Variants in RSAD1 observed in about 807,000 individuals in gnomAD.
The protein encoded by RSAD1 is radical S-adenosyl methionine domain containing 1.
Under a neutral mutation model 46.2 loss-of-function variants are expected in RSAD1, and 34 were observed. The ratio of observed to expected loss-of-function variants is 0.74; its 90% confidence interval spans 0.56 to 0.98. The LOEUF is 0.98. RSAD1 is among the 50% of genes least tolerant of loss of function. RSAD1 has a pLI of 0.00. For missense variants in RSAD1, 635 were observed against 592.3 expected (o/e 1.07, Z -0.75); for synonymous variants, 260 against 253.5 (o/e 1.03, Z -0.24).
chr17:50,485,110 C>T lies in RSAD1; in HGVS notation c.*249C>T, dbSNP rs1164578300. On this transcript the variant is annotated 3_prime_UTR_variant, in exon 9 of 9. Transcript: ENST00000258955. ...TGTTCCATGGCTGGGAATTGCCTACCACCCACATCAGCTTCTGTTTACCTT... is the reference window on the plus strand; with the variant it reads ...TGTTCCATGGCTGGGAATTGCCTACTACCCACATCAGCTTCTGTTTACCTT... The T allele has an allele frequency of 3.9e-6, 2 of 507,394 alleles. No homozygotes were observed. Among genetic ancestry groups the T allele is most frequent in the East Asian group, 3.0e-5 (1 of 33,442 alleles). The allele number at this position is 507,394 out of a possible 1,614,324, so 31.4% of individuals were successfully genotyped here. A position where few individuals can be genotyped will look rare whatever the true frequency, so the allele number is the denominator to read the frequency against.
In RSAD1 at chr17:50,482,500, T is replaced by C. The variant is rs764291043; in HGVS notation, c.840+44T>C. 2.5e-6 allele frequency: 4 copies of C among 1,605,752 alleles called. No homozygotes were observed. In the East Asian group the frequency reaches 8.9e-5, roughly 36 times the overall value. On this transcript the variant is annotated intron_variant, in intron 4 of 8. Coordinates refer to ENST00000258955, the MANE Select transcript of RSAD1 (RefSeq NM_018346.3). ...GGCTGGAGGTGGAGGATGGGCAGACTGCAGTGTGACCAGGGCGTTGTGACC... is the reference window on the plus strand; with the variant it reads ...GGCTGGAGGTGGAGGATGGGCAGACCGCAGTGTGACCAGGGCGTTGTGACC...
At position 50,484,919 on chromosome 17, in the gene RSAD1, A is replaced by G. The variant is rs2033434475; in HGVS notation, c.*58A>G. ...GGTGGGTTTTGAGAGCTGGGTCGGT[A>G]CTGCAGACATCTCTTCTCCGTTGTC... On this transcript the variant is annotated 3_prime_UTR_variant, in exon 9 of 9. Coordinates refer to ENST00000258955, the MANE Select transcript of RSAD1 (RefSeq NM_018346.3). 2 of 1,341,664 alleles carry G rather than the reference A, an allele frequency of 1.5e-6. No individual in the cohort carries two copies. The highest frequency in any genetic ancestry group is 2.4e-5 in the South Asian group (2 of 84,346). 83.1% of individuals were successfully genotyped at this position (1,341,664 alleles called of 1,614,324 possible).
rs2033443389 is a variant in RSAD1 at position 50,485,617 on chromosome 17, C to T, written c.*756C>T. ...TAGCTCTTAGGCTTCCAGCCTCTAC[C>T]ATGCAGGAGAGAACACAGAAGGACT... is the stretch of plus-strand genomic sequence containing the variant. On this transcript the variant is annotated 3_prime_UTR_variant, in exon 9 of 9. Coordinates refer to ENST00000258955, the MANE Select transcript of RSAD1 (RefSeq NM_018346.3). 6.6e-6 allele frequency: 1 copy of T among 152,292 alleles called. No individual in the cohort carries two copies. The highest frequency in any genetic ancestry group is 2.1e-4 in the South Asian group (1 of 4,830). 9.4% of individuals were successfully genotyped at this position (152,292 alleles called of 1,614,324 possible).
intron 1 of RSAD1, 143 bp from the exon 2 acceptor site, chr17:50,479,486 T>G (rs2033351709): frequency 5.3e-6 from 5 of 944,886 alleles, no homozygotes; most frequent in Non-Finnish European, 7.6e-6. Flanking sequence ...CGACCTGCCT[T>G]GGGGAGTTGT....
chr17:50,481,230 A>G (rs1383123380), intron 3 of RSAD1, among the ~76,000 whole-genome samples: 3 of 152,234 alleles, frequency 2.0e-5, no homozygotes, highest in Non-Finnish European at 2.9e-5. Flanking sequence ...AAATTACTAC[A>G]GTAGATGTTA....
chr17:50,483,189 AAAAGAAAG>A lies in RSAD1; in HGVS notation c.905-135_905-128del, dbSNP rs1555615309. The A allele has an allele frequency of 2.3e-4, 62 of 270,616 alleles. No homozygotes were observed. In the African/African-American group the frequency reaches 2.3e-3, roughly 10 times the overall value. 16.8% of individuals were successfully genotyped at this position (270,616 alleles called of 1,614,324 possible). A position where few individuals can be genotyped will look rare whatever the true frequency, so the allele number is the denominator to read the frequency against. ...CACCACCTCAAAAAAAAAAAAAAAAAAAAGAAAGAAAGAAAGAAAGAAAAGAAAAGAAA... is the reference window on the plus strand; with the variant it reads ...CACCACCTCAAAAAAAAAAAAAAAAAAAAGAAAGAAAGAAAAGAAAAGAAA... On this transcript the variant is annotated intron_variant, in intron 5 of 8. Coordinates refer to ENST00000258955, the MANE Select transcript of RSAD1 (RefSeq NM_018346.3).
Position 50,484,533 on chromosome 17 carries a change from A to C in RSAD1, c.1199A>C (p.Gln400Pro). 6.2e-7 allele frequency: 1 copy of C among 1,613,296 alleles called. No individual in the cohort carries two copies. The highest frequency in any genetic ancestry group is 1.1e-5 in the South Asian group (1 of 91,090). The stretch of plus-strand genomic sequence containing the variant: ...GAGCTGCTGGAGCGGGGCCTACTGC[A>C]GCTGGATCACAGGTGTGTTGGGGGG... ...VQELLERGLL[Q>P]LDHRGLRCSW... The change falls in exon 8 of 9, where the codon CAG becomes CCG. Residue 400 changes from glutamine to proline, a missense_variant. Gln to Pro is a moderately conservative substitution (Grantham distance 76). Coordinates refer to ENST00000258955, the MANE Select transcript of RSAD1 (RefSeq NM_018346.3).
chr17:50,479,341 T>G, intron 1 of RSAD1: 4 of 484,886 alleles, frequency 8.2e-6, no homozygotes, highest in Non-Finnish European at 3.6e-6. Context: ...CATAGGAAAA[T>G]TGTATGAAAA....
At position 50,482,118 on chromosome 17, in the gene RSAD1, T is replaced by C. The variant is rs1483078117; in HGVS notation, c.502T>C (p.Leu168=). Residue 168 remains leucine, a synonymous_variant, in exon 4 of 9, where the codon TTG becomes CTG. Coordinates refer to ENST00000258955, the MANE Select transcript of RSAD1 (RefSeq NM_018346.3). Reference sequence around the variant, plus strand: ...CCTAGATGACACTGAGCTCCGGCTGTTGGGACGGACGCACTCGGCCTGCGA... The same window carrying C: ...CCTAGATGACACTGAGCTCCGGCTGCTGGGACGGACGCACTCGGCCTGCGA... ...QSLDDTELRL[L]GRTHSACDAL... is the part of the protein sequence containing the mutation. 3 of 1,583,408 alleles carry C rather than the reference T, an allele frequency of 1.9e-6. No homozygotes were observed. Among genetic ancestry groups the C allele is most frequent in the Non-Finnish European group, 1.7e-6 (2 of 1,161,858 alleles).
chr17:50,480,048 G>T lies in RSAD1; in HGVS notation c.438G>T (p.Gly146=). The change falls in exon 3 of 9, where the codon GGG becomes GGT. Residue 146 remains glycine (G), a synonymous_variant. Coordinates refer to ENST00000258955, the MANE Select transcript of RSAD1 (RefSeq NM_018346.3). ...CGGGCTCCAGACTGGCAGAGTTCGG[G>T]GCAGCAGGGGTTAACAGGTTGTCTA... ...SAPGSRLAEF[G]AAGVNRLSIG... is the part of the protein sequence containing the mutation. 1 of 1,614,078 alleles carries T rather than the reference G, an allele frequency of 6.2e-7. No individual in the cohort carries two copies. Among genetic ancestry groups the T allele is most frequent in the Non-Finnish European group, 8.5e-7 (1 of 1,180,020 alleles).
chr17:50,485,123 T>C lies in RSAD1; in HGVS notation c.*262T>C. ...GGAATTGCCTACCACCCACATCAGC[T>C]TCTGTTTACCTTTTTGGCATCAAAT... On this transcript the variant is annotated 3_prime_UTR_variant, in exon 9 of 9. Transcript: ENST00000258955. The C allele has an allele frequency of 2.0e-6, 1 of 491,312 alleles. No individual in the cohort carries two copies. The highest frequency in any genetic ancestry group is 3.1e-5 in the East Asian group (1 of 32,454). 30.4% of individuals were successfully genotyped at this position (491,312 alleles called of 1,614,324 possible).
Position 50,483,211 on chromosome 17 carries a change from A to AAGAAAGAAAGAAAAGAAAGAC in RSAD1, c.905-128_905-127insGAAAGAAAGAAAAGAAAGACA, listed in dbSNP as rs376878139. 2,003 of 964,116 alleles carry AAGAAAGAAAGAAAAGAAAGAC rather than the reference A, an allele frequency of 2.1e-3. 36 individuals are homozygous for AAGAAAGAAAGAAAAGAAAGAC. In the African/African-American group the frequency reaches 0.037, roughly 18 times the overall value. 59.7% of individuals were successfully genotyped at this position (964,116 alleles called of 1,614,324 possible). Reference sequence around the variant, plus strand: ...AAAAAAAGAAAGAAAGAAAGAAAGAAAAGAAAAGAAAAATAATTTATATTT... The same window carrying AAGAAAGAAAGAAAAGAAAGAC: ...AAAAAAAGAAAGAAAGAAAGAAAGAAAGAAAGAAAGAAAAGAAAGACAAGAAAAGAAAAATAATTTATATTT... On this transcript the variant is annotated intron_variant, in intron 5 of 8. Transcript: ENST00000258955.
chr17:50,479,908 A>T lies in RSAD1; in HGVS notation c.298A>T (p.Thr100Ser), dbSNP rs768986637. ...GGAGTCTGTGTTCTTTGGTGGGGGG[A>T]CCCCCAGTCTAGCCAGTCCCCACAC... is the stretch of plus-strand genomic sequence containing the variant. ...RVESVFFGGG[T>S]PSLASPHTVA... Residue 100 changes from threonine (T) to serine (S), a missense_variant, in exon 3 of 9, where the codon ACC becomes TCC. By Grantham distance (58) the Thr-to-Ser change is moderately conservative (BLOSUM62 1). Transcript: ENST00000258955. The T allele has an allele frequency of 1.2e-6, 2 of 1,612,354 alleles. No homozygotes were observed. The highest frequency in any genetic ancestry group is 1.7e-6 in the Non-Finnish European group (2 of 1,179,374).
At position 50,484,747 on chromosome 17, in the gene RSAD1, T is replaced by C. The variant is rs2033430993; in HGVS notation, c.1215T>C (p.Gly405=). The C allele has an allele frequency of 6.2e-7, 1 of 1,613,074 alleles. No homozygotes were observed. Among genetic ancestry groups the C allele is most frequent in the Non-Finnish European group, 8.5e-7 (1 of 1,179,268 alleles). Residue 405 remains glycine (G), a synonymous_variant, in exon 9 of 9, where the codon GGT becomes GGC. Coordinates refer to ENST00000258955, the MANE Select transcript of RSAD1 (RefSeq NM_018346.3). ...TTCAGGCCTCTTGGTTTTCCAGGGGTCTTCGGTGTTCCTGGGAGGGTCTGG... is the reference window on the plus strand; with the variant it reads ...TTCAGGCCTCTTGGTTTTCCAGGGGCCTTCGGTGTTCCTGGGAGGGTCTGG... ...ERGLLQLDHR[G]LRCSWEGLAV...
intron 3 of RSAD1, 90 bp from the exon 4 acceptor site, chr17:50,482,001 G>A (rs2033384517): frequency 7.1e-6 from 10 of 1,404,688 alleles, no homozygotes; most frequent in East Asian, 2.7e-5. Context: ...CACGTGCTGC[G>A]TTCTCCCTGT....
chr17:50,483,658 A>T (rs1285754551), intron 6 of RSAD1, 48 bp from the exon 7 acceptor site: 1 of 1,609,770 alleles, frequency 6.2e-7, no homozygotes, highest in Non-Finnish European at 8.5e-7. Context: ...GGAGAATGGG[A>T]GGAGCACAGG....
Position 50,482,137 on chromosome 17 carries a change from C to T in RSAD1, c.521C>T (p.Ala174Val). 6.3e-7 allele frequency: 1 copy of T among 1,590,704 alleles called. No individual in the cohort carries two copies. Among genetic ancestry groups the T allele is most frequent in the Non-Finnish European group, 8.6e-7 (1 of 1,165,726 alleles). The change falls in exon 4 of 9, where the codon GCC becomes GTC. Residue 174 changes from alanine to valine, a missense_variant. By Grantham distance (64) the Ala-to-Val change is moderately conservative. Transcript: ENST00000258955. ...ELRLLGRTHS[A>V]CDALRTLAEA... ...CGGCTGTTGGGACGGACGCACTCGGCCTGCGATGCTCTGCGGACGCTGGCA... is the reference window on the plus strand; with the variant it reads ...CGGCTGTTGGGACGGACGCACTCGGTCTGCGATGCTCTGCGGACGCTGGCA...
Position 50,478,962 on chromosome 17 carries a change from C to G in RSAD1, c.78C>G (p.Asn26Lys). Residue 26 changes from asparagine (N) to lysine (K), a missense_variant, in exon 1 of 9, where the codon AAC becomes AAG. Coordinates refer to ENST00000258955, the MANE Select transcript of RSAD1 (RefSeq NM_018346.3). ...CCCAGAGGCGCCGCCGCGTGGAGAA[C>G]GCAGGAGGGTCCCCGAGTCCTGAGC... ...RAAQRRRRVE[N>K]AGGSPSPEPA... The G allele has an allele frequency of 7.1e-7, 1 of 1,402,528 alleles. No individual in the cohort carries two copies. The allele number at this position is 1,402,528 out of a possible 1,614,324, so 86.9% of individuals were successfully genotyped here. A position where few individuals can be genotyped will look rare whatever the true frequency, so the allele number is the denominator to read the frequency against.
At position 50,484,771 on chromosome 17, in the gene RSAD1, G is replaced by A. The variant is rs1191202503; in HGVS notation, c.1239G>A (p.Leu413=). 1 of 1,614,100 alleles carries A rather than the reference G, an allele frequency of 6.2e-7. No homozygotes were observed. Among genetic ancestry groups the A allele is most frequent in the South Asian group, 1.1e-5 (1 of 91,084 alleles). Residue 413 remains leucine (L), a synonymous_variant, in exon 9 of 9, where the codon CTG becomes CTA. Transcript: ENST00000258955. ...HRGLRCSWEG[L]AVLDSLLLTL... Reference sequence around the variant, plus strand: ...GTCTTCGGTGTTCCTGGGAGGGTCTGGCTGTGCTGGACTCTCTCTTGCTGA... The same window carrying A: ...GTCTTCGGTGTTCCTGGGAGGGTCTAGCTGTGCTGGACTCTCTCTTGCTGA...
Sources: allele counts gnomAD v4.1 joint callset (sites outside exome capture counted in the v4.1 genomes callset), GRCh38; gene constraint gnomAD v4.1.1; transcripts MANE v1.5; gene names NCBI Gene and HGNC (gene_info 2026-07-23, HGNC 2026-07-21).